Variants in KCNU1 observed in about 807,000 individuals in gnomAD.
KCNU1 encodes potassium channel subfamily U member 1.
Under a neutral mutation model 126.8 loss-of-function variants are expected in KCNU1, and 93 were observed. The observed-to-expected ratio is 0.73, with a 90% confidence interval of 0.62 to 0.87. KCNU1 has a LOEUF of 0.87. KCNU1 is among the 40% of genes least tolerant of loss of function. KCNU1 has a pLI of 0.00. For missense variants in KCNU1, 1,330 were observed against 1,367.1 expected (o/e 0.97, Z 0.43); for synonymous variants, 523 against 494.2 (o/e 1.06, Z -0.77).
chr8:36,842,830 C>T lies in KCNU1; in HGVS notation c.1703+1827C>T, dbSNP rs753769944. 3.3e-4 allele frequency among the ~76,000 whole-genome samples: 50 copies of T among 152,168 alleles called. 2 individuals are homozygous for T. Among genetic ancestry groups the T allele is most frequent in the Admixed American group, 2.6e-4 (4 of 15,266 alleles). ...AGATTACAGGTGTGTGCACCACACC[C>T]GGTTAATTTTTGTATTTTTAGTAGA... On this transcript the variant is annotated intron_variant, in intron 16 of 26. Coordinates refer to ENST00000399881, the MANE Select transcript of KCNU1 (RefSeq NM_001031836.3).
chr8:36,873,139 G>A (rs1806162971), intron 19 of KCNU1, among the ~76,000 whole-genome samples: 1 of 152,102 alleles, frequency 6.6e-6, no homozygotes, highest in Non-Finnish European at 1.5e-5. Flanking sequence ...TCCTGTGGGG[G>A]TGGCAAAGTG....
At position 36,878,567 on chromosome 8, in the gene KCNU1, G is replaced by A. The variant is rs549347603; in HGVS notation, c.2009+14046G>A. ...GACTCAGCTCAAGTCAGCTTTCTGTGTTATATCAGGAAATGGAGACATTGG... is the reference window on the plus strand; with the variant it reads ...GACTCAGCTCAAGTCAGCTTTCTGTATTATATCAGGAAATGGAGACATTGG... On this transcript the variant is annotated intron_variant, in intron 19 of 26. Transcript: ENST00000399881. 1.3e-4 allele frequency among the ~76,000 whole-genome samples: 20 copies of A among 152,218 alleles called. 4 individuals carry two copies. Among genetic ancestry groups the A allele is most frequent in the African/African-American group, 4.8e-4 (20 of 41,532 alleles).
rs1283996939 is a variant in KCNU1, at chr8:36,894,915, A to G, written c.2010-10793A>G. ...CATCAGAAAGTATTTTGTGAATAAT[A>G]TATTAATTTATCATGAGTTATTGAA... is the stretch of plus-strand genomic sequence containing the variant. On this transcript the variant is annotated intron_variant, in intron 19 of 26. Transcript: ENST00000399881. Among the ~76,000 whole-genome samples, 5 of 152,086 alleles carry G rather than the reference A, an allele frequency of 3.3e-5. No homozygotes were observed. The South Asian group carries it at 1.0e-3, about 31-fold the overall frequency.
intron 10 of KCNU1, among the ~76,000 whole-genome samples, chr8:36,820,637 T>C (rs945542269): frequency 4.6e-5 from 7 of 151,916 alleles, no homozygotes; most frequent in African/African-American, 1.7e-4. Flanking sequence ...AGAAATTCTT[T>C]AGTTTTCGAG....
intron 19 of KCNU1, among the ~76,000 whole-genome samples, chr8:36,881,495 G>T (rs1226684425): frequency 6.6e-6 from 1 of 152,072 alleles, no homozygotes; most frequent in Non-Finnish European, 1.5e-5. Flanking sequence ...AAGCACTGGA[G>T]TTAACAGACG....
At chr8:36,910,869 G>A (rs1007372605) in intron 21 of KCNU1, 61 bp from the exon 22 acceptor site, 7 of 1,207,926 alleles carry the variant, frequency 5.8e-6, no homozygotes, top group Non-Finnish European at 8.2e-6. Flanking sequence ...CCACCACCAT[G>A]AGCCATGATA....
At chr8:36,916,636 A>T (rs1277020685) in intron 22 of KCNU1, among the ~76,000 whole-genome samples, 1 of 152,214 alleles carries the variant, frequency 6.6e-6, no homozygotes, top group Non-Finnish European at 1.5e-5. Flanking sequence ...TCCCATCAAG[A>T]GTAAGAATTA....
chr8:36,899,937 C>T (rs1171231077), intron 19 of KCNU1, among the ~76,000 whole-genome samples: 1 of 152,088 alleles, frequency 6.6e-6, no homozygotes, highest in Admixed American at 6.6e-5. Flanking sequence ...CCTGGGAAAC[C>T]CAAGCAAAGC....
chr8:36,916,127 G>A (rs1457550935), intron 22 of KCNU1, among the ~76,000 whole-genome samples: 2 of 149,080 alleles, frequency 1.3e-5, no homozygotes, highest in East Asian at 2.0e-4. Flanking sequence ...GGAAAGGTGG[G>A]AGGGAAGGGA....
chr8:36,906,595 T>G (rs1807641155), intron 20 of KCNU1, among the ~76,000 whole-genome samples: 1 of 152,178 alleles, frequency 6.6e-6, no homozygotes. Context: ...GAACCCTATA[T>G]ATATTTTTTC....
At chr8:36,921,261 C>T (rs146762592) in intron 23 of KCNU1, among the ~76,000 whole-genome samples, 1,539 of 152,268 alleles carry the variant, frequency 0.01, 13 homozygotes, top group Middle Eastern at 0.014. Context: ...CCAAGTGACA[C>T]CTGTACCCAC....
intron 21 of KCNU1, among the ~76,000 whole-genome samples, 165 bp from the exon 22 acceptor site, chr8:36,910,765 G>T (rs1188852632): frequency 6.6e-6 from 1 of 152,118 alleles, no homozygotes; most frequent in Non-Finnish European, 1.5e-5. Flanking sequence ...TGTTTGATAA[G>T]GTTAAATGTG....
rs142672135 is a variant in KCNU1 at position 36,806,695 on chromosome 8, A to G, written c.580+315A>G. Reference sequence around the variant, plus strand: ...TGGGATCCCACAGGAGCTGGGGGAGATGAAAAACCTCCCTTTGTCATTAAA... The same window carrying G: ...TGGGATCCCACAGGAGCTGGGGGAGGTGAAAAACCTCCCTTTGTCATTAAA... On this transcript the variant is annotated intron_variant, in intron 5 of 26. Coordinates refer to ENST00000399881, the MANE Select transcript of KCNU1 (RefSeq NM_001031836.3). Among the ~76,000 whole-genome samples the G allele has an allele frequency of 1.1e-4, 16 of 152,274 alleles. No homozygotes were observed. In the East Asian group the frequency reaches 3.1e-3, roughly 29 times the overall value.
At chr8:36,933,598 T>C (rs1186754439) in intron 26 of KCNU1, among the ~76,000 whole-genome samples, 2 of 152,018 alleles carry the variant, frequency 1.3e-5, no homozygotes, top group African/African-American at 2.4e-5. Flanking sequence ...CAATTGTGTA[T>C]GCCCAGACTA....
chr8:36,833,730 C>T (rs1804646005), intron 11 of KCNU1, 71 bp downstream of exon 11: 1 of 863,104 alleles, frequency 1.2e-6, no homozygotes, highest in Non-Finnish European at 1.9e-6. Context: ...GGATATATTG[C>T]TTTTTAAAAA....
chr8:36,926,681 C>A (rs1808544050), intron 24 of KCNU1, among the ~76,000 whole-genome samples: 1 of 152,134 alleles, frequency 6.6e-6, no homozygotes, highest in South Asian at 2.1e-4. Context: ...CCCAATTTTG[C>A]ATGTCCCTTT....
chr8:36,914,861 A>C (rs992820002), intron 22 of KCNU1, among the ~76,000 whole-genome samples: 3 of 152,232 alleles, frequency 2.0e-5, no homozygotes, highest in African/African-American at 7.2e-5. Flanking sequence ...ACAATTAAGC[A>C]ATCTTTTGTA....
chr8:36,874,883 C>T (rs1222989363), intron 19 of KCNU1, among the ~76,000 whole-genome samples: 2 of 151,994 alleles, frequency 1.3e-5, no homozygotes, highest in Non-Finnish European at 2.9e-5. Context: ...CGTCCCTTTC[C>T]CTCCCTGCTC....
intron 10 of KCNU1, among the ~76,000 whole-genome samples, chr8:36,828,368 G>A (rs1256294655): frequency 6.6e-6 from 1 of 152,020 alleles, no homozygotes; most frequent in Non-Finnish European, 1.5e-5. Flanking sequence ...ATATTTAACT[G>A]TATAATCCTC....
Sources: allele counts gnomAD v4.1 joint callset (sites outside exome capture counted in the v4.1 genomes callset), GRCh38; gene constraint gnomAD v4.1.1; transcripts MANE v1.5; gene names NCBI Gene and HGNC (gene_info 2026-07-23, HGNC 2026-07-21).